Variants in ANKRD52 observed in about 807,000 individuals in gnomAD.
The protein encoded by ANKRD52 is ankyrin repeat domain 52.
Under a neutral mutation model 116.0 loss-of-function variants are expected in ANKRD52, and 7 were observed. That is an observed-to-expected ratio of 0.06 (90% CI 0.03 to 0.11). The LOEUF (loss-of-function observed/expected upper bound fraction) is 0.11. Among genes scored for constraint, ANKRD52 ranks in the 10% least tolerant of loss-of-function variants. ANKRD52 has a pLI of 1.00. For missense variants in ANKRD52, 839 were observed against 1,408.6 expected (o/e 0.60, Z 6.47); for synonymous variants, 528 against 578.1 (o/e 0.91, Z 1.24).
chr12:56,258,322 T>C lies in ANKRD52; in HGVS notation c.-53A>G, dbSNP rs2135896729. ...AGCTCCCGGCGGCGGCGGCGGCGGCTCCACCGGGGACACGGAGCGGCCCAG... is the reference window on the plus strand; with the variant it reads ...AGCTCCCGGCGGCGGCGGCGGCGGCCCCACCGGGGACACGGAGCGGCCCAG... On this transcript the variant is annotated 5_prime_UTR_variant, in exon 1 of 28. Coordinates refer to ENST00000267116, the MANE Select transcript of ANKRD52 (RefSeq NM_173595.4). 6.6e-7 allele frequency: 1 copy of C among 1,507,308 alleles called. No homozygotes were observed. Among genetic ancestry groups the C allele is most frequent in the Non-Finnish European group, 8.9e-7 (1 of 1,128,370 alleles). The allele number at this position is 1,507,308 out of a possible 1,614,324, so 93.4% of individuals were successfully genotyped here. A position where few individuals can be genotyped will look rare whatever the true frequency, so the allele number is the denominator to read the frequency against.
chr12:56,254,014 C>G lies in ANKRD52; in HGVS notation c.906+53G>C. The G allele has an allele frequency of 1.3e-6, 2 of 1,544,690 alleles. No homozygotes were observed. Among genetic ancestry groups the G allele is most frequent in the Non-Finnish European group, 1.8e-6 (2 of 1,121,008 alleles). ...AGAGCTATCCAGATACAGTCAGGACCCCTAGATCCAAGTTTCGCTCCCCAC... is the reference window on the plus strand; with the variant it reads ...AGAGCTATCCAGATACAGTCAGGACGCCTAGATCCAAGTTTCGCTCCCCAC... On this transcript the variant is annotated intron_variant, in intron 8 of 27. Coordinates refer to ENST00000267116, the MANE Select transcript of ANKRD52 (RefSeq NM_173595.4). The surrounding 1 kb of genome is among the most constrained non-coding windows in gnomAD (Gnocchi z 4.6).
chr12:56,244,577 C>A lies in ANKRD52; in HGVS notation c.2722+75G>T. Reference sequence around the variant, plus strand: ...TTTCTGAACCCCAGCCCCAGCCAGCCTCCACAGGCAGGGCTGACCCATCCT... The same window carrying A: ...TTTCTGAACCCCAGCCCCAGCCAGCATCCACAGGCAGGGCTGACCCATCCT... On this transcript the variant is annotated intron_variant, in intron 24 of 27. Coordinates refer to ENST00000267116, the MANE Select transcript of ANKRD52 (RefSeq NM_173595.4). The surrounding 1 kb of genome is among the most constrained non-coding windows in gnomAD (Gnocchi z 4.9). 4 of 1,604,726 alleles carry A rather than the reference C, an allele frequency of 2.5e-6. No homozygotes were observed. The highest frequency in any genetic ancestry group is 3.4e-6 in the Non-Finnish European group (4 of 1,174,840).
chr12:56,252,328 T>C lies in ANKRD52; in HGVS notation c.1371-13A>G, dbSNP rs563451947. 1.1e-5 allele frequency: 18 copies of C among 1,612,894 alleles called. 1 individual carries two copies. The highest frequency in any genetic ancestry group is 1.5e-5 in the Non-Finnish European group (18 of 1,179,158). ...GTGCAGTGGGGTCCTGGGGAAGAAG[T>C]GAAGGAGGGTGGGGAAGAGAATCAG... On this transcript the variant is annotated splice_polypyrimidine_tract_variant and intron_variant, in intron 13 of 27. Transcript: ENST00000267116. This position sits in a 1 kb window ranked among gnomAD's most constrained non-coding sequence, Gnocchi z 4.7.
chr12:56,253,989 A>G lies in ANKRD52; in HGVS notation c.906+78T>C. On this transcript the variant is annotated intron_variant, in intron 8 of 27. Transcript: ENST00000267116. The surrounding 1 kb of genome is among the most constrained non-coding windows in gnomAD (Gnocchi z 5.5). ...GGAAGCAAGTGGATAATTCCCCAAG[A>G]GAGCTATCCAGATACAGTCAGGACC... 6.9e-7 allele frequency: 1 copy of G among 1,448,928 alleles called. No individual in the cohort carries two copies. Among genetic ancestry groups the G allele is most frequent in the Non-Finnish European group, 9.5e-7 (1 of 1,047,664 alleles). 89.8% of individuals were successfully genotyped at this position (1,448,928 alleles called of 1,614,324 possible).
rs1407666455 is a variant in ANKRD52 at position 56,239,141 on chromosome 12, AG to A, written c.*4000del. 4 of 152,362 alleles carry A rather than the reference AG, an allele frequency of 2.6e-5. No individual in the cohort carries two copies. The highest frequency in any genetic ancestry group is 4.1e-4 in the South Asian group (2 of 4,836). The allele number at this position is 152,362 out of a possible 1,614,324, so 9.4% of individuals were successfully genotyped here. A position where few individuals can be genotyped will look rare whatever the true frequency, so the allele number is the denominator to read the frequency against. ...GAGTCAGTACCTTCAAGTAATTCAA[AG>A]AGCAGACCCTCCCCACCCCAGCTTC... On this transcript the variant is annotated 3_prime_UTR_variant, in exon 28 of 28. Transcript: ENST00000267116.
At position 56,255,345 on chromosome 12, in the gene ANKRD52, C is replaced by A. The variant is rs565877303; in HGVS notation, c.463-393G>T. ...AGCTGGGACTACAGGCGGCCGCCAC[C>A]ACACCCGGCTAATTTTTTGTATTTT... On this transcript the variant is annotated intron_variant, in intron 5 of 27. Coordinates refer to ENST00000267116, the MANE Select transcript of ANKRD52 (RefSeq NM_173595.4). This position sits in a 1 kb window ranked among gnomAD's most constrained non-coding sequence, Gnocchi z 4.3. Among the ~76,000 whole-genome samples, 21 of 152,264 alleles carry A rather than the reference C, an allele frequency of 1.4e-4. No individual in the cohort carries two copies. In the East Asian group the frequency reaches 4.1e-3, roughly 29 times the overall value.
Position 56,248,509 on chromosome 12 carries a change from G to T in ANKRD52, c.1762C>A (p.Pro588Thr). 6.3e-7 allele frequency: 1 copy of T among 1,595,890 alleles called. No homozygotes were observed. The highest frequency in any genetic ancestry group is 8.5e-7 in the Non-Finnish European group (1 of 1,171,262). Residue 588 changes from proline (P) to threonine (T), a missense_variant, in exon 17 of 28, where the codon CCT (proline) becomes ACT (threonine). This residue lies in a region of ANKRD52 where 552 missense variants were observed against 810.6 expected (regional missense o/e 0.68). Coordinates refer to ENST00000267116, the MANE Select transcript of ANKRD52 (RefSeq NM_173595.4). This position sits in a 1 kb window ranked among gnomAD's most constrained non-coding sequence, Gnocchi z 5.1. ...EDVESTIPVS[P>T]LHLAAYNGHC... ...GTGGGACTCACAGCTAAGTGCAAAG[G>T]GCTGACTGGAATGGTGCTCTCCACA...
At position 56,242,262 on chromosome 12, in the gene ANKRD52, A is replaced by T. The variant is rs1011571093; in HGVS notation, c.*880T>A. On this transcript the variant is annotated 3_prime_UTR_variant, in exon 28 of 28. Coordinates refer to ENST00000267116, the MANE Select transcript of ANKRD52 (RefSeq NM_173595.4). This position sits in a 1 kb window ranked among gnomAD's most constrained non-coding sequence, Gnocchi z 4.3. ...GAAATTAATTTGTTTCTTCCCCTAA[A>T]GGATAAAACGCTTACTTAAAAATTC... The T allele has an allele frequency of 7.5e-6, 3 of 398,446 alleles. No homozygotes were observed. The Admixed American group carries it at 1.3e-4, about 18-fold the overall frequency. The allele number at this position is 398,446 out of a possible 1,614,324, so 24.7% of individuals were successfully genotyped here. A position where few individuals can be genotyped will look rare whatever the true frequency, so the allele number is the denominator to read the frequency against.
Position 56,255,094 on chromosome 12 carries a change from G to C in ANKRD52, c.463-142C>G. 1 of 687,796 alleles carries C rather than the reference G, an allele frequency of 1.5e-6. No homozygotes were observed. The highest frequency in any genetic ancestry group is 2.4e-6 in the Non-Finnish European group (1 of 408,568). The allele number at this position is 687,796 out of a possible 1,614,324, so 42.6% of individuals were successfully genotyped here. On this transcript the variant is annotated intron_variant, in intron 5 of 27. Coordinates refer to ENST00000267116, the MANE Select transcript of ANKRD52 (RefSeq NM_173595.4). This position sits in a 1 kb window ranked among gnomAD's most constrained non-coding sequence, Gnocchi z 4.3. ...GCAAAACAACCTGGAGGACTCGAGG[G>C]AACAGCAGAAGCAGGCACTAAGGAG...
rs773443613 is a variant in ANKRD52, at chr12:56,243,246, C to T, written c.3127G>A (p.Ala1043Thr). 2.8e-5 allele frequency: 45 copies of T among 1,613,698 alleles called. No individual in the cohort carries two copies. The highest frequency in any genetic ancestry group is 3.3e-5 in the South Asian group (3 of 91,068). Reference sequence around the variant, plus strand: ...GCGCCGCAGCCACCCACCGTCTTGGCGGCTGCAATGCTGCAGTTCTTGAGC... The same window carrying T: ...GCGCCGCAGCCACCCACCGTCTTGGTGGCTGCAATGCTGCAGTTCTTGAGC... ...SLLKNCSIAA[A>T]KTVGGCGALP... Residue 1043 changes from alanine (A) to threonine (T), a missense_variant, in exon 28 of 28, where the codon GCC becomes ACC. Physicochemically the swap from Ala to Thr is moderately conservative, Grantham distance 58 (BLOSUM62 0). Coordinates refer to ENST00000267116, the MANE Select transcript of ANKRD52 (RefSeq NM_173595.4). The surrounding 1 kb of genome is among the most constrained non-coding windows in gnomAD (Gnocchi z 4.6).
intron 15 of ANKRD52, 113 bp downstream of exon 15, chr12:56,251,902 C>G: frequency 8.4e-7 from 1 of 1,183,522 alleles, no homozygotes; most frequent in Non-Finnish European, 1.2e-6. Context: ...GCTGGCTGAC[C>G]GGCAGGACAG....
Position 56,254,543 on chromosome 12 carries a change from C to CCATA in ANKRD52, c.693+31_693+34dup, listed in dbSNP as rs764650255. ...CAGACTATAATCTCCTACTTGCTGC[C>CCATA]CATAGTTCCCAACCCCAGAGCTCAA... On this transcript the variant is annotated intron_variant, in intron 7 of 27. Coordinates refer to ENST00000267116, the MANE Select transcript of ANKRD52 (RefSeq NM_173595.4). The surrounding 1 kb of genome is among the most constrained non-coding windows in gnomAD (Gnocchi z 4.6). The CCATA allele has an allele frequency of 6.0e-5, 97 of 1,605,584 alleles. No homozygotes were observed. Among genetic ancestry groups the CCATA allele is most frequent in the Non-Finnish European group, 7.9e-5 (93 of 1,175,542 alleles).
In ANKRD52 at chr12:56,257,807, T is replaced by A. The variant is rs865905993; in HGVS notation, c.111+21A>T. ...GGGAGCCAGGATTCCGGTCTCGCCA[T>A]CCTCCCTGCTCCCAACTCACCAGCA... On this transcript the variant is annotated intron_variant, in intron 2 of 27. Transcript: ENST00000267116. 5.6e-6 allele frequency: 9 copies of A among 1,611,684 alleles called. No individual in the cohort carries two copies. In the African/African-American group the frequency reaches 8.0e-5, roughly 14 times the overall value.
Position 56,243,264 on chromosome 12 carries a change from T to G in ANKRD52, c.3109A>C (p.Asn1037His), listed in dbSNP as rs776774573. The change falls in exon 28 of 28, where the codon AAC becomes CAC. Residue 1037 changes from asparagine to histidine, a missense_variant. Physicochemically the swap from Asn to His is moderately conservative, Grantham distance 68. Coordinates refer to ENST00000267116, the MANE Select transcript of ANKRD52 (RefSeq NM_173595.4). This position sits in a 1 kb window ranked among gnomAD's most constrained non-coding sequence, Gnocchi z 4.6. Reference protein sequence around the residue: ...VSPFSFSLLKNCSIAAAKTVG... With the variant: ...VSPFSFSLLKHCSIAAAKTVG... ...GTCTTGGCGGCTGCAATGCTGCAGT[T>G]CTTGAGCAGGCTGAAGCTGAAAGGA... 1 of 1,613,954 alleles carries G rather than the reference T, an allele frequency of 6.2e-7. No individual in the cohort carries two copies. The highest frequency in any genetic ancestry group is 8.5e-7 in the Non-Finnish European group (1 of 1,179,876).
chr12:56,257,706 G>T, intron 2 of ANKRD52, 122 bp downstream of exon 2: 4 of 963,910 alleles, frequency 4.1e-6, no homozygotes, highest in Middle Eastern at 2.2e-4. Context: ...TTCACTCCAG[G>T]ATGGAAAGAA....
At chr12:56,245,792 G>A (rs893243694) in intron 20 of ANKRD52, among the ~76,000 whole-genome samples, 196 bp from the exon 21 acceptor site, 5 of 143,556 alleles carry the variant, frequency 3.5e-5, no homozygotes, top group Non-Finnish European at 7.4e-5. Context: ...TCGGCTCACT[G>A]CAACCTCTGC....
In ANKRD52 at chr12:56,248,745, GC is replaced by G; in HGVS notation, c.1704+13del. 6.3e-7 allele frequency: 1 copy of G among 1,597,344 alleles called. No homozygotes were observed. Among genetic ancestry groups the G allele is most frequent in the Non-Finnish European group, 8.5e-7 (1 of 1,169,682 alleles). ...CCCTGCCTCCCCTCCTGCAGGCCGG[GC>G]CCCAACACATACCAGTTCGAGGTTC... On this transcript the variant is annotated intron_variant, in intron 16 of 27. Transcript: ENST00000267116. This position sits in a 1 kb window ranked among gnomAD's most constrained non-coding sequence, Gnocchi z 5.1.
rs1565612507 is a variant in ANKRD52, at chr12:56,255,114, AAGG to A, written c.463-165_463-163del. ...CGAGGGAACAGCAGAAGCAGGCACT[AAGG>A]AGGAGATACTGGAGAGATTTGGAAC... On this transcript the variant is annotated intron_variant, in intron 5 of 27. Transcript: ENST00000267116. This position sits in a 1 kb window ranked among gnomAD's most constrained non-coding sequence, Gnocchi z 4.3. The A allele has an allele frequency of 3.3e-6, 2 of 601,754 alleles. No homozygotes were observed. The highest frequency in any genetic ancestry group is 5.5e-5 in the East Asian group (2 of 36,106). The allele number at this position is 601,754 out of a possible 1,614,324, so 37.3% of individuals were successfully genotyped here.
In ANKRD52 at chr12:56,252,118, T is replaced by G; in HGVS notation, c.1512-23A>C. 1 of 1,613,852 alleles carries G rather than the reference T, an allele frequency of 6.2e-7. No homozygotes were observed. The highest frequency in any genetic ancestry group is 8.5e-7 in the Non-Finnish European group (1 of 1,179,830). The stretch of plus-strand genomic sequence containing the variant: ...GCTCTGGGGAAGAGAGAGAGAAAGT[T>G]AGGGCCAGGCTCAGGGAGGTGAATG... On this transcript the variant is annotated intron_variant, in intron 14 of 27. Coordinates refer to ENST00000267116, the MANE Select transcript of ANKRD52 (RefSeq NM_173595.4). The surrounding 1 kb of genome is among the most constrained non-coding windows in gnomAD (Gnocchi z 4.7).
Sources: allele counts gnomAD v4.1 joint callset (sites outside exome capture counted in the v4.1 genomes callset), GRCh38; gene constraint gnomAD v4.1.1; regional missense constraint gnomAD v4.1.1; non-coding constraint Gnocchi (gnomAD v3.1); transcripts MANE v1.5; gene names NCBI Gene and HGNC (gene_info 2026-07-23, HGNC 2026-07-21).